MAN1C1: variants seen among roughly 807,000 people sequenced by gnomAD.
MAN1C1 encodes mannosyl-oligosaccharide 1,2-alpha-mannosidase IC.
MAN1C1 carries 49 observed loss-of-function variants against 71.5 expected under a neutral mutation model. The ratio of observed to expected loss-of-function variants is 0.69; its 90% CI spans 0.54 to 0.87. The LOEUF is 0.87. Ranked by LOEUF, MAN1C1 falls within the 40% of genes least tolerant of loss-of-function variation. The pLI is 0.00. For missense variants in MAN1C1, 743 were observed against 835.0 expected (o/e 0.89, Z 1.36); for synonymous variants, 352 against 343.7 (o/e 1.02, Z -0.27).
At chr1:25,624,409 CT>C (rs3841829) in intron 1 of MAN1C1, among the ~76,000 whole-genome samples, 16,838 of 152,144 alleles carry the variant, frequency 0.11, 2,141 homozygotes, top group African/African-American at 0.29. Flanking sequence ...GTTTCCTCCC[CT>C]AGAAGGCTGT....
rs906697547 is a variant in MAN1C1 at position 25,769,783 on chromosome 1, G to A, written c.1142-1874G>A. On this transcript the variant is annotated intron_variant, in intron 7 of 11. Transcript: ENST00000374332. The surrounding 1 kb of genome is among the most constrained non-coding windows in gnomAD (Gnocchi z 4.8). ...ACGAGCTAGTGAGGGAGGCAGACCC[G>A]TACGCAGGCACTCATCGCACACCCG... 5.9e-5 allele frequency among the ~76,000 whole-genome samples: 9 copies of A among 152,320 alleles called. No homozygotes were observed. The highest frequency in any genetic ancestry group is 1.9e-4 in the African/African-American group (8 of 41,592).
intron 6 of MAN1C1, chr1:25,759,224 T>C (rs2047329504): frequency 5.8e-6 from 1 of 171,180 alleles, no homozygotes; most frequent in Admixed American, 5.5e-5. Context: ...TCCTGCTGTT[T>C]AAGGCCACAT....
At position 25,725,939 on chromosome 1, in the gene MAN1C1, A is replaced by G. The variant is rs1056001238; in HGVS notation, c.638-20729A>G. On this transcript the variant is annotated intron_variant, in intron 2 of 11. Coordinates refer to ENST00000374332, the MANE Select transcript of MAN1C1 (RefSeq NM_020379.4). The surrounding 1 kb of genome is among the most constrained non-coding windows in gnomAD (Gnocchi z 4.8). ...ATGCTGAGCTGAGTGTGGCTGTGGCATGAAATGAAAGGTGAGGCTTTCATC... is the reference window on the plus strand; with the variant it reads ...ATGCTGAGCTGAGTGTGGCTGTGGCGTGAAATGAAAGGTGAGGCTTTCATC... 8.5e-5 allele frequency among the ~76,000 whole-genome samples: 13 copies of G among 152,216 alleles called. No homozygotes were observed. Among genetic ancestry groups the G allele is most frequent in the African/African-American group, 3.1e-4 (13 of 41,466 alleles).
At chr1:25,761,440 A>G (rs899876542) in intron 6 of MAN1C1, 1 of 152,090 alleles carries the variant, frequency 6.6e-6, no homozygotes, top group Non-Finnish European at 1.5e-5. Flanking sequence ...CTGAATACTT[A>G]AGTTAGCAAC....
chr1:25,728,702 A>G lies in MAN1C1; in HGVS notation c.638-17966A>G, dbSNP rs533263045. Among the ~76,000 whole-genome samples, 17 of 152,278 alleles carry G rather than the reference A, an allele frequency of 1.1e-4. No homozygotes were observed. The East Asian group carries it at 3.1e-3, about 28-fold the overall frequency. On this transcript the variant is annotated intron_variant, in intron 2 of 11. Transcript: ENST00000374332. ...TATGGGCCAGGCCTCAAAGTGGTGT[A>G]TGGAGCCTATGCCCACACCCCATTG...
intron 2 of MAN1C1, among the ~76,000 whole-genome samples, chr1:25,697,633 T>A (rs1260113225): frequency 6.6e-5 from 10 of 152,238 alleles, no homozygotes; most frequent in African/African-American, 2.4e-4. Flanking sequence ...TGCCAGACTG[T>A]TCTATAGCGG....
chr1:25,718,429 T>C (rs2046713046), intron 2 of MAN1C1, among the ~76,000 whole-genome samples: 1 of 152,260 alleles, frequency 6.6e-6, no homozygotes, highest in Non-Finnish European at 1.5e-5. Context: ...ATTCATTTTG[T>C]TTTTAAATAA....
intron 2 of MAN1C1, among the ~76,000 whole-genome samples, chr1:25,703,122 G>A (rs1353236114): frequency 1.3e-5 from 2 of 152,214 alleles, no homozygotes; most frequent in Admixed American, 6.5e-5. Context: ...GCACAACCCA[G>A]GTTGGGAGCC....
At chr1:25,710,048 A>T (rs1339286708) in intron 2 of MAN1C1, 1 of 152,256 alleles carries the variant, frequency 6.6e-6, no homozygotes, top group Admixed American at 6.5e-5. Flanking sequence ...GCCCAGCTGG[A>T]AACACTATAT....
At chr1:25,635,638 A>G (rs1055347311) in intron 1 of MAN1C1, among the ~76,000 whole-genome samples, 21 of 152,048 alleles carry the variant, frequency 1.4e-4, no homozygotes, top group African/African-American at 9.6e-5. Context: ...TTGTAGAGAC[A>G]GGGTTTCACC....
intron 1 of MAN1C1, chr1:25,645,597 G>A (rs1182748692): frequency 6.6e-6 from 1 of 152,196 alleles, no homozygotes; most frequent in Non-Finnish European, 1.5e-5. Flanking sequence ...GCACACAGGG[G>A]CCAAATAGAT....
chr1:25,725,118 A>G lies in MAN1C1; in HGVS notation c.638-21550A>G, dbSNP rs933996391. Among the ~76,000 whole-genome samples the G allele has an allele frequency of 6.6e-6, 1 of 152,226 alleles. No individual in the cohort carries two copies. The highest frequency in any genetic ancestry group is 2.1e-4 in the South Asian group (1 of 4,830). ...TGTGGGAGCTGCCTTTTGTCAAAGC[A>G]CCATTAAAACCCAGCTCTGGTCAAT... On this transcript the variant is annotated intron_variant, in intron 2 of 11. Transcript: ENST00000374332. The surrounding 1 kb of genome is among the most constrained non-coding windows in gnomAD (Gnocchi z 4.8).
At position 25,764,571 on chromosome 1, in the gene MAN1C1, T is replaced by C. The variant is rs1010974013; in HGVS notation, c.1141+604T>C. 6.6e-6 allele frequency among the ~76,000 whole-genome samples: 1 copy of C among 151,850 alleles called. No individual in the cohort carries two copies. The highest frequency in any genetic ancestry group is 2.1e-4 in the South Asian group (1 of 4,816). Reference sequence around the variant, plus strand: ...GGGACTACAAGCATGTGCCACCATGTCTGGCTACTTTTTTTGTATTTTTAG... The same window carrying C: ...GGGACTACAAGCATGTGCCACCATGCCTGGCTACTTTTTTTGTATTTTTAG... On this transcript the variant is annotated intron_variant, in intron 7 of 11. Transcript: ENST00000374332. The surrounding 1 kb of genome is among the most constrained non-coding windows in gnomAD (Gnocchi z 4.4).
intron 2 of MAN1C1, among the ~76,000 whole-genome samples, chr1:25,716,826 T>C (rs1220083737): frequency 2.6e-5 from 4 of 152,246 alleles, no homozygotes; most frequent in African/African-American, 9.6e-5. Flanking sequence ...TCAGGCCCCT[T>C]TGCCATTCAT....
chr1:25,695,815 C>T (rs1328810507), intron 2 of MAN1C1, among the ~76,000 whole-genome samples: 1 of 152,242 alleles, frequency 6.6e-6, no homozygotes, highest in Non-Finnish European at 1.5e-5. Flanking sequence ...CCCGCTCTGG[C>T]GCCAGCAGCC....
intron 1 of MAN1C1, among the ~76,000 whole-genome samples, chr1:25,651,707 C>T (rs929906903): frequency 2.0e-5 from 3 of 152,156 alleles, no homozygotes; most frequent in Non-Finnish European, 4.4e-5. Flanking sequence ...CTGGCCTGTT[C>T]AAAGGTGTTA....
intron 2 of MAN1C1, among the ~76,000 whole-genome samples, chr1:25,715,686 A>C (rs907238018): frequency 2.0e-5 from 3 of 152,204 alleles, no homozygotes; most frequent in African/African-American, 4.8e-5. Context: ...AAGATGAGGA[A>C]AGCCAGGGCC....
intron 1 of MAN1C1, among the ~76,000 whole-genome samples, chr1:25,637,188 C>T (rs931217141): frequency 2.6e-5 from 4 of 151,986 alleles, no homozygotes; most frequent in Non-Finnish European, 5.9e-5. Flanking sequence ...TAATTTAGGT[C>T]ATACTTTATC....
chr1:25,676,942 C>T lies in MAN1C1; in HGVS notation c.541-9498C>T, dbSNP rs945756315. ...TCTGGGAGTGGTCTGCTGGCACCCA[C>T]GTGTCCTCCCCTCCTCTAATGCATC... On this transcript the variant is annotated intron_variant, in intron 1 of 11. Transcript: ENST00000374332. 5.9e-5 allele frequency among the ~76,000 whole-genome samples: 9 copies of T among 152,172 alleles called. No homozygotes were observed. The East Asian group carries it at 9.6e-4, about 16-fold the overall frequency.
Sources: allele counts gnomAD v4.1 joint callset (sites outside exome capture counted in the v4.1 genomes callset), GRCh38; gene constraint gnomAD v4.1.1; non-coding constraint Gnocchi (gnomAD v3.1); transcripts MANE v1.5; gene names NCBI Gene and HGNC (gene_info 2026-07-23, HGNC 2026-07-21).